CADM2: variants seen among roughly 807,000 people sequenced by gnomAD.
CADM2 encodes the protein immunoglobulin superfamily member 4D.
Under a neutral mutation model 49.8 loss-of-function variants are expected in CADM2, and 12 were observed. The ratio of observed to expected loss-of-function variants is 0.24; its 90% CI spans 0.15 to 0.39. CADM2 has a LOEUF of 0.39. CADM2 is among the 10% of genes least tolerant of loss of function. The probability of loss-of-function intolerance (pLI) is 1.00; values close to 1 mark genes in which losing one functional copy is unlikely to be tolerated. For missense variants in CADM2, 378 were observed against 492.3 expected (o/e 0.77, Z 2.20); for synonymous variants, 214 against 175.4 (o/e 1.22, Z -1.74).
intron 1 of CADM2, among the ~76,000 whole-genome samples, chr3:85,685,677 G>A (rs1458142655): frequency 2.1e-5 from 3 of 143,786 alleles, no homozygotes; most frequent in Non-Finnish European, 4.5e-5. Context: ...AGGCTGGAGT[G>A]CAGTGGTGTG....
chr3:85,903,347 C>T (rs1220447029), intron 5 of CADM2, among the ~76,000 whole-genome samples: 1 of 151,620 alleles, frequency 6.6e-6, no homozygotes, highest in African/African-American at 2.4e-5. Context: ...CTTGTTTTAG[C>T]CCAACTTTCC....
chr3:85,715,197 C>G (rs1438255903), intron 1 of CADM2, among the ~76,000 whole-genome samples: 1 of 152,168 alleles, frequency 6.6e-6, no homozygotes, highest in Non-Finnish European at 1.5e-5. Flanking sequence ...CATATAAACT[C>G]TTAGTGGTAG....
At chr3:85,001,024 G>T (rs2107215058) in intron 1 of CADM2, among the ~76,000 whole-genome samples, 1 of 152,114 alleles carries the variant, frequency 6.6e-6, no homozygotes, top group African/African-American at 2.4e-5. Context: ...GAGAAACATT[G>T]TGGATATTCT....
chr3:85,999,271 T>TCGG (rs1729834943), intron 8 of CADM2, among the ~76,000 whole-genome samples: 3 of 143,130 alleles, frequency 2.1e-5, no homozygotes, highest in Admixed American at 7.1e-5. Context: ...GGCCGAGGGT[T>TCGG]GGGGGGTGGA....
chr3:85,318,125 C>T (rs2044511177), intron 1 of CADM2, among the ~76,000 whole-genome samples: 1 of 150,800 alleles, frequency 6.6e-6, no homozygotes, highest in Non-Finnish European at 1.5e-5. Flanking sequence ...AGCCATGATC[C>T]CGCCACTGCA....
intron 1 of CADM2, among the ~76,000 whole-genome samples, chr3:85,654,884 T>G (rs564179030): frequency 6.6e-6 from 1 of 152,314 alleles, no homozygotes; most frequent in South Asian, 2.1e-4. Context: ...GTTAATTGAT[T>G]GATAGCTTTA....
chr3:85,005,704 A>G (rs1309661481), intron 1 of CADM2, among the ~76,000 whole-genome samples: 2 of 151,782 alleles, frequency 1.3e-5, no homozygotes, highest in African/African-American at 4.8e-5. Flanking sequence ...AAAAAAAAAT[A>G]CAGTTTTTTT....
intron 1 of CADM2, among the ~76,000 whole-genome samples, chr3:85,069,021 AT>A (rs2036627414): frequency 6.6e-6 from 1 of 152,046 alleles, no homozygotes; most frequent in Non-Finnish European, 1.5e-5. Flanking sequence ...CTAAATGTGT[AT>A]TCTATTTTTA....
chr3:85,804,796 T>C (rs1345621220), intron 3 of CADM2, among the ~76,000 whole-genome samples: 1 of 152,134 alleles, frequency 6.6e-6, no homozygotes, highest in Non-Finnish European at 1.5e-5. Flanking sequence ...GACTTGAATA[T>C]AAGGCAGCCT....
At chr3:85,230,945 A>G (rs943235377) in intron 1 of CADM2, among the ~76,000 whole-genome samples, 2 of 151,854 alleles carry the variant, frequency 1.3e-5, no homozygotes, top group African/African-American at 4.8e-5. Context: ...ATTTTCTCAC[A>G]GTTTTGGGTG....
intron 5 of CADM2, among the ~76,000 whole-genome samples, chr3:85,901,327 G>T (rs1716091818): frequency 6.6e-6 from 1 of 152,180 alleles, no homozygotes; most frequent in South Asian, 2.1e-4. Context: ...TTCCATTTGT[G>T]TTGGTAATGG....
At chr3:85,612,056 A>G (rs943487653) in intron 1 of CADM2, among the ~76,000 whole-genome samples, 5 of 151,922 alleles carry the variant, frequency 3.3e-5, no homozygotes, top group Non-Finnish European at 5.9e-5. Flanking sequence ...CTGCATATCC[A>G]TAGGAAATGG....
chr3:85,601,127 T>TGG (rs2063381706), intron 1 of CADM2, among the ~76,000 whole-genome samples: 1 of 37,734 alleles, frequency 2.7e-5, no homozygotes, highest in African/African-American at 8.4e-5. Flanking sequence ...TTTATATATG[T>TGG]GTGTATATAT....
At chr3:85,353,002 A>G (rs781359534) in intron 1 of CADM2, among the ~76,000 whole-genome samples, 2 of 152,140 alleles carry the variant, frequency 1.3e-5, no homozygotes, top group Non-Finnish European at 1.5e-5. Context: ...TTTTACAGGT[A>G]TGAATTCCTG....
At chr3:85,626,917 G>A (rs1246060715) in intron 1 of CADM2, among the ~76,000 whole-genome samples, 1 of 151,898 alleles carries the variant, frequency 6.6e-6, no homozygotes, top group African/African-American at 2.4e-5. Flanking sequence ...ATACTTAACC[G>A]TCATACTTAA....
At chr3:85,586,254 C>T (rs1490354351) in intron 1 of CADM2, among the ~76,000 whole-genome samples, 1 of 152,058 alleles carries the variant, frequency 6.6e-6, no homozygotes, top group Non-Finnish European at 1.5e-5. Flanking sequence ...TGAGACAAAA[C>T]AGTTTCACAG....
At chr3:85,134,439 T>C (rs2107616366) in intron 1 of CADM2, among the ~76,000 whole-genome samples, 1 of 152,378 alleles carries the variant, frequency 6.6e-6, no homozygotes, top group Non-Finnish European at 1.5e-5. Context: ...CCACACGCTA[T>C]ACTAGTAGTA....
At chr3:85,614,095 GATA>G (rs1257102223) in intron 1 of CADM2, among the ~76,000 whole-genome samples, 1 of 151,474 alleles carries the variant, frequency 6.6e-6, no homozygotes, top group Non-Finnish European at 1.5e-5. Flanking sequence ...AAAATATAAA[GATA>G]ATAATACACA....
intron 8 of CADM2, among the ~76,000 whole-genome samples, chr3:85,970,540 A>G (rs977685096): frequency 3.3e-5 from 5 of 151,664 alleles, no homozygotes; most frequent in African/African-American, 1.2e-4. Context: ...ATTATAGGTT[A>G]GCAAGGTTAT....
Sources: allele counts gnomAD v4.1 joint callset (sites outside exome capture counted in the v4.1 genomes callset), GRCh38; gene constraint gnomAD v4.1.1; transcripts MANE v1.5; gene names NCBI Gene and HGNC (gene_info 2026-07-23, HGNC 2026-07-21).